The following MTPAP variants were observed in gnomAD, a reference collection of about 807,000 sequenced individuals.
The protein encoded by MTPAP is poly(A) RNA polymerase, mitochondrial.
MTPAP carries 23 observed loss-of-function variants against 48.7 expected under a neutral mutation model. The ratio of observed to expected loss-of-function variants is 0.47; its 90% CI spans 0.34 to 0.67. The LOEUF (loss-of-function observed/expected upper bound fraction) is 0.67. MTPAP is among the 30% of genes least tolerant of loss of function. The probability of loss-of-function intolerance (pLI) is 0.01; values close to 1 mark genes in which losing one functional copy is unlikely to be tolerated. For synonymous variants in MTPAP, 257 were observed against 254.1 expected, an observed-to-expected ratio of 1.01 and a Z score of -0.11; for missense variants, 614 against 694.3, an observed-to-expected ratio of 0.88 and a Z score of 1.30.
At chr10:30,349,097 C>CA in intron 1 of MTPAP, 22 bp downstream of exon 1, 4 of 1,613,598 alleles carry the variant, frequency 2.5e-6, no homozygotes, top group Non-Finnish European at 3.4e-6. Context: ...GACGGAACTA[C>CA]AGGGCAAACC....
intron 5 of MTPAP, among the ~76,000 whole-genome samples, chr10:30,326,052 T>C (rs1035842308): frequency 3.3e-5 from 5 of 152,160 alleles, no homozygotes; most frequent in Non-Finnish European, 5.9e-5. Flanking sequence ...GCTTGTACTA[T>C]AAATAGGCAT....
At position 30,313,710 on chromosome 10, in the gene MTPAP, C is replaced by A; in HGVS notation, c.1648G>T (p.Ala550Ser). The A allele has an allele frequency of 6.2e-7, 1 of 1,614,152 alleles. No individual in the cohort carries two copies. Among genetic ancestry groups the A allele is most frequent in the African/African-American group, 1.3e-5 (1 of 75,034 alleles). Residue 550 changes from alanine (A) to serine (S), a missense_variant, in exon 9 of 9, where the codon GCA becomes TCA. Ala to Ser is a moderately conservative substitution (Grantham distance 99, BLOSUM62 1). This residue lies in a region of MTPAP where 109 missense variants were observed against 100.5 expected (regional missense o/e 1.08). Coordinates refer to ENST00000263063, the MANE Select transcript of MTPAP (RefSeq NM_018109.4). ...SFTKKKSNKFAIETVKNLLES... is the reference protein window; with the variant it reads ...SFTKKKSNKFSIETVKNLLES... ...AGCAAGTTTTTGACTGTTTCAATTG[C>A]AAACTTATTGCTTTTCTTCTTGGTA...
At chr10:30,323,392 C>T (rs1381999093) in intron 5 of MTPAP, among the ~76,000 whole-genome samples, 1 of 130,736 alleles carries the variant, frequency 7.6e-6, no homozygotes, top group Non-Finnish European at 1.5e-5. Context: ...GCGGAGGCTG[C>T]AGTCAGCCGA....
chr10:30,329,970 T>A (rs545042646), intron 4 of MTPAP, among the ~76,000 whole-genome samples: 180 of 148,558 alleles, frequency 1.2e-3, no homozygotes, highest in African/African-American at 2.2e-3. Flanking sequence ...TTTTTTCTTT[T>A]AAAAAAAAAA....
intron 6 of MTPAP, among the ~76,000 whole-genome samples, chr10:30,320,043 G>A (rs1840703601): frequency 6.6e-6 from 1 of 152,202 alleles, no homozygotes; most frequent in Non-Finnish European, 1.5e-5. Context: ...GATCGCTTGA[G>A]CCTAGGAGTT....
chr10:30,326,759 C>G, intron 4 of MTPAP, 124 bp from the exon 5 acceptor site: 1 of 749,832 alleles, frequency 1.3e-6, no homozygotes, highest in South Asian at 1.7e-5. Flanking sequence ...AAAAAACAAC[C>G]CACAAAATAA....
At chr10:30,331,849 G>T (rs919875208) in intron 4 of MTPAP, among the ~76,000 whole-genome samples, 2 of 152,236 alleles carry the variant, frequency 1.3e-5, no homozygotes, top group Non-Finnish European at 2.9e-5. Flanking sequence ...TTACAGGCGT[G>T]AGCCACCACG....
rs1056338604 is a variant in MTPAP at position 30,312,984 on chromosome 10, C to A, written c.*625G>T. ...ACATAAACATTTTTTGATATCAGTACCAACCCACTTTAATTTATATGTGAA... is the reference window on the plus strand; with the variant it reads ...ACATAAACATTTTTTGATATCAGTAACAACCCACTTTAATTTATATGTGAA... On this transcript the variant is annotated 3_prime_UTR_variant, in exon 9 of 9. Coordinates refer to ENST00000263063, the MANE Select transcript of MTPAP (RefSeq NM_018109.4). 1 of 153,204 alleles carries A rather than the reference C, an allele frequency of 6.5e-6. No individual in the cohort carries two copies. Among genetic ancestry groups the A allele is most frequent in the Non-Finnish European group, 1.5e-5 (1 of 68,812 alleles). The allele number at this position is 153,204 out of a possible 1,614,324, so 9.5% of individuals were successfully genotyped here. A position where few individuals can be genotyped will look rare whatever the true frequency, so the allele number is the denominator to read the frequency against.
intron 1 of MTPAP, among the ~76,000 whole-genome samples, chr10:30,344,995 C>T (rs770763370): frequency 3.9e-5 from 6 of 152,306 alleles, no homozygotes; most frequent in Admixed American, 6.5e-5. Context: ...TGAGCCATGG[C>T]GCCCGGCCCA....
At position 30,344,252 on chromosome 10, in the gene MTPAP, T is replaced by G. The variant is rs148058847; in HGVS notation, c.158-2612A>C. On this transcript the variant is annotated intron_variant, in intron 1 of 8. Coordinates refer to ENST00000263063, the MANE Select transcript of MTPAP (RefSeq NM_018109.4). ...ATGGTACTCTACACACACAATACTA[T>G]CACATGCTATGAACTATCTATGTCT... 3.8e-3 allele frequency among the ~76,000 whole-genome samples: 584 copies of G among 152,256 alleles called. 3 individuals are homozygous for G. The highest frequency in any genetic ancestry group is 0.014 in the African/African-American group (566 of 41,554).
intron 4 of MTPAP, among the ~76,000 whole-genome samples, chr10:30,331,057 C>T (rs1327020846): frequency 6.6e-6 from 1 of 152,066 alleles, no homozygotes; most frequent in Non-Finnish European, 1.5e-5. Context: ...ATGCAAGCCA[C>T]GAAGAATCAC....
At position 30,315,848 on chromosome 10, in the gene MTPAP, AT is replaced by A. The variant is rs142868943; in HGVS notation, c.1386+114del. ...GACATCAACCTCCTTGTTACTACAA[AT>A]TACTACACAAAAGAAATAAATAACA... On this transcript the variant is annotated intron_variant, in intron 8 of 8. Transcript: ENST00000263063. The A allele has an allele frequency of 3.4e-3, 4,018 of 1,190,836 alleles. 112 individuals carry two copies. The African/African-American group carries it at 0.055, about 16-fold the overall frequency. The allele number at this position is 1,190,836 out of a possible 1,614,324, so 73.8% of individuals were successfully genotyped here. A position where few individuals can be genotyped will look rare whatever the true frequency, so the allele number is the denominator to read the frequency against.
chr10:30,344,052 CT>C (rs201892705), intron 1 of MTPAP, among the ~76,000 whole-genome samples: 8 of 149,718 alleles, frequency 5.3e-5, no homozygotes, highest in East Asian at 3.9e-4. Flanking sequence ...ATAAAATGGT[CT>C]TTTTTTTTTA....
At chr10:30,337,863 T>G (rs1834747885) in intron 3 of MTPAP, among the ~76,000 whole-genome samples, 1 of 152,102 alleles carries the variant, frequency 6.6e-6, no homozygotes, top group African/African-American at 2.4e-5. Context: ...ATCCTGTCTA[T>G]CCACTAGAAG....
At chr10:30,327,807 CT>C (rs1321771526) in intron 4 of MTPAP, among the ~76,000 whole-genome samples, 1 of 149,974 alleles carries the variant, frequency 6.7e-6, no homozygotes, top group Admixed American at 6.7e-5. Flanking sequence ...GATCACACCA[CT>C]GCACTCCAGC....
chr10:30,322,286 T>G, intron 6 of MTPAP, 105 bp downstream of exon 6: 3 of 1,045,426 alleles, frequency 2.9e-6, no homozygotes, highest in Non-Finnish European at 4.4e-6. Flanking sequence ...TCAAGACAAA[T>G]TTTATGACTA....
intron 1 of MTPAP, among the ~76,000 whole-genome samples, chr10:30,348,438 C>T (rs188340343): frequency 4.2e-4 from 64 of 152,320 alleles, no homozygotes; most frequent in African/African-American, 1.5e-3. Flanking sequence ...CACAGTGATA[C>T]ATTTCTTGCA....
chr10:30,320,995 C>T (rs1840719066), intron 6 of MTPAP, among the ~76,000 whole-genome samples: 1 of 152,140 alleles, frequency 6.6e-6, no homozygotes, highest in Non-Finnish European at 1.5e-5. Context: ...CTGCCCATAT[C>T]TTATGTATGG....
At chr10:30,315,891 G>T in intron 8 of MTPAP, 72 bp downstream of exon 8, 1 of 1,386,706 alleles carries the variant, frequency 7.2e-7, no homozygotes, top group South Asian at 1.3e-5. Flanking sequence ...AGAGTGTTTT[G>T]AAAACAGTTA....
Sources: gnomAD v4.1 joint callset for allele counts (sites outside exome capture counted in the v4.1 genomes callset) on GRCh38, gnomAD v4.1.1 for gene constraint, gnomAD v4.1.1 regional missense constraint, MANE v1.5 for transcripts, NCBI Gene and HGNC (gene_info 2026-07-23, HGNC 2026-07-21) for gene names.